Variants in FOXP1 observed in about 807,000 individuals in gnomAD.
FOXP1 encodes forkhead box protein P1.
In FOXP1, 15 loss-of-function variants were observed where a neutral mutation model predicts 98.2. The ratio of observed to expected loss-of-function variants is 0.15; its 90% CI spans 0.10 to 0.24. FOXP1 has a LOEUF of 0.24. Ranked by LOEUF, FOXP1 falls within the 10% of genes least tolerant of loss-of-function variation. The pLI is 1.00. For synonymous variants in FOXP1, 371 were observed against 314.5 expected (o/e 1.18, Z -1.90); for missense variants, 633 against 848.5 (o/e 0.75, Z 3.15).
chr3:71,013,329 T>G (rs1213201454), intron 12 of FOXP1, among the ~76,000 whole-genome samples: 10 of 152,318 alleles, frequency 6.6e-5, no homozygotes. Flanking sequence ...TAACAAAGAA[T>G]GGGTCCAATC....
intron 7 of FOXP1, among the ~76,000 whole-genome samples, chr3:71,071,780 C>T (rs1372079396): frequency 1.3e-5 from 2 of 151,988 alleles, no homozygotes; most frequent in Non-Finnish European, 2.9e-5. Flanking sequence ...CACCATGTTG[C>T]CCAGACTGGT....
chr3:71,110,409 C>CA (rs2057818464), intron 7 of FOXP1, among the ~76,000 whole-genome samples: 1 of 152,062 alleles, frequency 6.6e-6, no homozygotes, highest in South Asian at 2.1e-4. Context: ...ATTTCCCCCC[C>CA]AATAATATAT....
At chr3:71,482,600 A>G (rs1410475647) in intron 3 of FOXP1, among the ~76,000 whole-genome samples, 1 of 152,016 alleles carries the variant, frequency 6.6e-6, no homozygotes, top group Non-Finnish European at 1.5e-5. Context: ...GGGTTTCACC[A>G]TGTTGACCAG....
intron 11 of FOXP1, among the ~76,000 whole-genome samples, chr3:71,038,959 C>T (rs1305372959): frequency 6.6e-6 from 1 of 152,158 alleles, no homozygotes; most frequent in Non-Finnish European, 1.5e-5. Flanking sequence ...AACCACTGTA[C>T]CAGGCCTAAT....
intron 3 of FOXP1, among the ~76,000 whole-genome samples, chr3:71,475,984 T>C (rs1254553179): frequency 1.3e-5 from 2 of 150,056 alleles, no homozygotes; most frequent in Non-Finnish European, 2.9e-5. Flanking sequence ...ACCACGTCAA[T>C]GGGGTGCTAA....
At chr3:71,487,239 A>G (rs572305358) in intron 3 of FOXP1, among the ~76,000 whole-genome samples, 27 of 152,318 alleles carry the variant, frequency 1.8e-4, no homozygotes, top group Admixed American at 2.0e-4. Flanking sequence ...AAACTACCTA[A>G]CAAGTCAATG....
At chr3:71,183,606 C>T (rs768500198) in intron 6 of FOXP1, among the ~76,000 whole-genome samples, 3 of 152,174 alleles carry the variant, frequency 2.0e-5, no homozygotes, top group Non-Finnish European at 4.4e-5. Flanking sequence ...CTATTAAATG[C>T]TAAAATTATT....
At chr3:71,024,205 A>AG (rs1257392529) in intron 11 of FOXP1, among the ~76,000 whole-genome samples, 1 of 152,178 alleles carries the variant, frequency 6.6e-6, no homozygotes, top group African/African-American at 2.4e-5. Flanking sequence ...CGACGATGCA[A>AG]GGGCCGCATG....
intron 1 of FOXP1, chr3:71,582,859 A>G: frequency 2.1e-6 from 2 of 958,482 alleles, no homozygotes; most frequent in Non-Finnish European, 2.5e-6. Context: ...CTCTCGGGGT[A>G]ACGCGCGCGT....
At chr3:71,264,231 A>G (rs1465064436) in intron 5 of FOXP1, among the ~76,000 whole-genome samples, 1 of 152,194 alleles carries the variant, frequency 6.6e-6, no homozygotes, top group Admixed American at 6.5e-5. Flanking sequence ...CAAGCCATCC[A>G]TGTTTATCAC....
At chr3:71,502,331 T>G (rs532500030) in intron 2 of FOXP1, among the ~76,000 whole-genome samples, 2 of 152,344 alleles carry the variant, frequency 1.3e-5, no homozygotes, top group South Asian at 4.1e-4. Flanking sequence ...AACAGAGAGC[T>G]GGCTGCCATC....
chr3:71,199,811 C>A (rs2063546379), intron 5 of FOXP1, among the ~76,000 whole-genome samples: 1 of 151,836 alleles, frequency 6.6e-6, no homozygotes, highest in East Asian at 2.0e-4. Context: ...GGCGCGGTGG[C>A]TCACGCCTGT....
intron 5 of FOXP1, among the ~76,000 whole-genome samples, chr3:71,277,018 G>C (rs1430614734): frequency 6.7e-6 from 1 of 148,342 alleles, no homozygotes; most frequent in Non-Finnish European, 1.5e-5. Flanking sequence ...GAGTGCAGTG[G>C]TGCCATCTCG....
Position 71,231,014 on chromosome 3 carries a change from T to A in FOXP1, c.-11-32622A>T, listed in dbSNP as rs2066242997. On this transcript the variant is annotated intron_variant, in intron 5 of 20. Coordinates refer to ENST00000649528, the MANE Select transcript of FOXP1 (RefSeq NM_001349338.3). ...GACTATCCAGATACTTGTTTTTCCCTCCGCTCTTTAATCATAAGAAGGGGA... is the reference window on the plus strand; with the variant it reads ...GACTATCCAGATACTTGTTTTTCCCACCGCTCTTTAATCATAAGAAGGGGA... 1.3e-5 allele frequency among the ~76,000 whole-genome samples: 2 copies of A among 152,198 alleles called. 1 individual carries two copies. The highest frequency in any genetic ancestry group is 4.1e-4 in the South Asian group (2 of 4,832).
intron 2 of FOXP1, among the ~76,000 whole-genome samples, chr3:71,538,980 A>T (rs968802354): frequency 3.9e-5 from 6 of 152,100 alleles, no homozygotes; most frequent in African/African-American, 1.4e-4. Context: ...TCAGCTGACC[A>T]TAAATGTAAG....
chr3:71,506,428 G>C (rs555541082), intron 2 of FOXP1, among the ~76,000 whole-genome samples: 1 of 152,016 alleles, frequency 6.6e-6, no homozygotes, highest in African/African-American at 2.4e-5. Context: ...ATTCGAATCC[G>C]CACACGCTCC....
At chr3:71,274,067 G>T (rs1398169958) in intron 5 of FOXP1, among the ~76,000 whole-genome samples, 1 of 152,128 alleles carries the variant, frequency 6.6e-6, no homozygotes. Flanking sequence ...AAGTAGAAAT[G>T]AAGGAGCCCT....
At chr3:71,396,575 C>T (rs2081386729) in intron 3 of FOXP1, among the ~76,000 whole-genome samples, 1 of 152,022 alleles carries the variant, frequency 6.6e-6, no homozygotes, top group Non-Finnish European at 1.5e-5. Flanking sequence ...CTAAAGGAGC[C>T]ATGGTCAGCT....
chr3:71,534,827 ACT>A (rs897731033), intron 2 of FOXP1, among the ~76,000 whole-genome samples: 7 of 151,898 alleles, frequency 4.6e-5, no homozygotes, highest in Admixed American at 2.6e-4. Context: ...TTGTTCCAAG[ACT>A]CTCTCTTATT....
Sources: allele counts gnomAD v4.1 joint callset (sites outside exome capture counted in the v4.1 genomes callset), GRCh38; gene constraint gnomAD v4.1.1; transcripts MANE v1.5; gene names NCBI Gene and HGNC (gene_info 2026-07-23, HGNC 2026-07-21).